TLL2: variants seen among roughly 807,000 people sequenced by gnomAD.
TLL2 encodes the protein tolloid-like protein 2.
In TLL2, 106 loss-of-function variants were observed where a neutral mutation model predicts 123.0. That is an observed-to-expected ratio of 0.86 (90% CI 0.74 to 1.01). TLL2 has a LOEUF of 1.01. Ranked by LOEUF, TLL2 falls within the 50% of genes least tolerant of loss-of-function variation. The probability of loss-of-function intolerance (pLI) is 0.00; values close to 1 mark genes in which losing one functional copy is unlikely to be tolerated. For missense variants in TLL2, 1,332 were observed against 1,336.7 expected (o/e 1.00, Z 0.06); for synonymous variants, 494 against 516.8 (o/e 0.96, Z 0.60).
Position 96,513,717 on chromosome 10 carries a change from T to C in TLL2, c.-32A>G. The C allele has an allele frequency of 2.0e-6, 3 of 1,465,940 alleles. No individual in the cohort carries two copies. The highest frequency in any genetic ancestry group is 2.7e-6 in the Non-Finnish European group (3 of 1,113,748). The allele number at this position is 1,465,940 out of a possible 1,614,324, so 90.8% of individuals were successfully genotyped here. ...GCGGGGCCGGCTGGGGCAGAGGGAG[T>C]TGCGTGCACGAAAGCTCAGCTCGGC... is the stretch of plus-strand genomic sequence containing the variant. On this transcript the variant is annotated 5_prime_UTR_variant, in exon 1 of 21. Coordinates refer to ENST00000357947, the MANE Select transcript of TLL2 (RefSeq NM_012465.4).
intron 1 of TLL2, among the ~76,000 whole-genome samples, chr10:96,502,176 G>A (rs914366957): frequency 5.9e-5 from 9 of 152,098 alleles, no homozygotes; most frequent in African/African-American, 2.2e-4. Flanking sequence ...AAGAAGAACC[G>A]ATGTGAGCTG....
intron 3 of TLL2, among the ~76,000 whole-genome samples, chr10:96,445,059 G>C (rs1006099189): frequency 6.6e-6 from 1 of 152,132 alleles, no homozygotes; most frequent in African/African-American, 2.4e-5. Flanking sequence ...CACGGTGGCG[G>C]GCGCCTGTAG....
At chr10:96,427,804 T>C (rs1015993985) in intron 5 of TLL2, among the ~76,000 whole-genome samples, 1 of 152,206 alleles carries the variant, frequency 6.6e-6, no homozygotes, top group African/African-American at 2.4e-5. Flanking sequence ...TTGTTTTGTT[T>C]TCTTTCTGAG....
intron 13 of TLL2, among the ~76,000 whole-genome samples, chr10:96,393,460 C>T (rs1460683037): frequency 6.6e-6 from 1 of 152,256 alleles, no homozygotes; most frequent in Admixed American, 6.5e-5. Context: ...CATTGTCTCT[C>T]CAGGTAGAGA....
intron 2 of TLL2, among the ~76,000 whole-genome samples, chr10:96,469,109 C>A (rs1847155030): frequency 6.6e-6 from 1 of 152,264 alleles, no homozygotes; most frequent in Admixed American, 6.5e-5. Flanking sequence ...CCAGCTAGCA[C>A]CTGCTGATTG....
intron 18 of TLL2, 68 bp downstream of exon 18, chr10:96,376,624 A>C: frequency 6.4e-7 from 1 of 1,552,542 alleles, no homozygotes; most frequent in Non-Finnish European, 8.8e-7. Flanking sequence ...GTGGCAGAGC[A>C]GAGACTCAAA....
chr10:96,442,214 C>A (rs534409242), intron 3 of TLL2, among the ~76,000 whole-genome samples: 1 of 152,310 alleles, frequency 6.6e-6, no homozygotes, highest in Admixed American at 6.5e-5. Flanking sequence ...CACAAATCCC[C>A]ACCGTCAGGG....
intron 2 of TLL2, among the ~76,000 whole-genome samples, chr10:96,469,986 G>A (rs1847163284): frequency 1.3e-5 from 2 of 152,202 alleles, no homozygotes; most frequent in Middle Eastern, 6.8e-3. Context: ...GGCGGGGCAG[G>A]GTGATGATGA....
intron 13 of TLL2, among the ~76,000 whole-genome samples, chr10:96,390,217 T>G (rs1846273892): frequency 6.6e-6 from 1 of 152,248 alleles, no homozygotes; most frequent in Non-Finnish European, 1.5e-5. Context: ...CAAAAATTGT[T>G]CAGAGAAAGT....
chr10:96,374,355 C>CTTG (rs1424073256), intron 18 of TLL2: 8 of 162,630 alleles, frequency 4.9e-5, no homozygotes, highest in African/African-American at 9.6e-5. Context: ...CCCAAGGTCA[C>CTTG]ATACTGAGAG....
intron 13 of TLL2, among the ~76,000 whole-genome samples, chr10:96,387,750 C>T (rs1329134229): frequency 5.9e-5 from 9 of 151,898 alleles, no homozygotes; most frequent in Non-Finnish European, 1.3e-4. Context: ...GCGTTTGGGG[C>T]GACTAAATAA....
intron 2 of TLL2, among the ~76,000 whole-genome samples, chr10:96,474,818 T>C (rs1401766989): frequency 6.6e-6 from 1 of 152,110 alleles, no homozygotes; most frequent in African/African-American, 2.4e-5. Flanking sequence ...TTGGCAGCAT[T>C]CTCCCCAAAT....
chr10:96,386,284 A>C (rs779837946), intron 14 of TLL2, 69 bp from the exon 15 acceptor site: 3 of 1,416,686 alleles, frequency 2.1e-6, no homozygotes, highest in Non-Finnish European at 2.8e-6. Context: ...TCCCACCAGG[A>C]GCAATAGAGC....
intron 16 of TLL2, among the ~76,000 whole-genome samples, chr10:96,382,530 G>A (rs1001619208): frequency 2.0e-5 from 3 of 152,232 alleles, no homozygotes; most frequent in African/African-American, 4.8e-5. Context: ...GTTTGAATGG[G>A]TCCCCCAAAG....
At position 96,505,008 on chromosome 10, in the gene TLL2, A is replaced by AAAAAAAT. The variant is rs1193979726; in HGVS notation, c.175+8496_175+8502dup. Among the ~76,000 whole-genome samples, 3 of 150,278 alleles carry AAAAAAAT rather than the reference A, an allele frequency of 2.0e-5. No homozygotes were observed. The South Asian group carries it at 6.3e-4, about 31-fold the overall frequency. ...GGGCGACAGAGCGAGACTCCGTCTC[A>AAAAAAAT]AAAAAATAAAAAATAAATAAATAAA... On this transcript the variant is annotated intron_variant, in intron 1 of 20. Coordinates refer to ENST00000357947, the MANE Select transcript of TLL2 (RefSeq NM_012465.4).
chr10:96,366,068 C>G lies in TLL2; in HGVS notation c.*2020G>C, dbSNP rs555928240. On this transcript the variant is annotated 3_prime_UTR_variant, in exon 21 of 21. Transcript: ENST00000357947. ...AATTTTTATTTCCTTGGAGAAAGAA[C>G]CATAACACCCATCTTAGGTTTCCCA... is the stretch of plus-strand genomic sequence containing the variant. 4.3e-4 allele frequency: 66 copies of G among 152,294 alleles called. No homozygotes were observed. Among genetic ancestry groups the G allele is most frequent in the African/African-American group, 1.5e-3 (63 of 41,558 alleles). 9.4% of individuals were successfully genotyped at this position (152,294 alleles called of 1,614,324 possible). A position where few individuals can be genotyped will look rare whatever the true frequency, so the allele number is the denominator to read the frequency against.
At chr10:96,384,001 C>T (rs1589407430) in intron 16 of TLL2, among the ~76,000 whole-genome samples, 1 of 152,062 alleles carries the variant, frequency 6.6e-6, no homozygotes, top group African/African-American at 2.4e-5. Flanking sequence ...CAATGTGGAA[C>T]CTTAGAATGT....
intron 16 of TLL2, among the ~76,000 whole-genome samples, chr10:96,379,715 G>A (rs998438131): frequency 2.6e-5 from 4 of 152,192 alleles, no homozygotes; most frequent in South Asian, 2.1e-4. Flanking sequence ...CCAGCTACGC[G>A]GGAGGCTGAG....
chr10:96,370,210 ATCACCCAG>A lies in TLL2; in HGVS notation c.2760_2767del (p.Trp921ArgfsTer16). The A allele has an allele frequency of 6.2e-7, 1 of 1,613,998 alleles. No homozygotes were observed. Among genetic ancestry groups the A allele is most frequent in the Non-Finnish European group, 8.5e-7 (1 of 1,179,936 alleles). On this transcript the variant is annotated frameshift_variant, in exon 20 of 21. Transcript: ENST00000357947. LOFTEE classifies it high-confidence loss of function. ...CACGCCGTAGCCGTCCTCTGCCACG[ATCACCCAG>A]TCACAGCGGGCCTCGCTCGGGTAGT...
Sources: allele counts gnomAD v4.1 joint callset (sites outside exome capture counted in the v4.1 genomes callset), GRCh38; gene constraint gnomAD v4.1.1; transcripts MANE v1.5; gene names NCBI Gene and HGNC (gene_info 2026-07-23, HGNC 2026-07-21).